The following TBC1D32 variants were observed in gnomAD, a reference collection of about 807,000 sequenced individuals.
TBC1D32 encodes the protein protein broad-minded.
TBC1D32 carries 151 observed loss-of-function variants against 170.3 expected under a neutral mutation model. The observed-to-expected ratio is 0.89, with a 90% CI of 0.78 to 1.01. The LOEUF (loss-of-function observed/expected upper bound fraction) is 1.01, where lower values mean the gene tolerates loss of function less well. Ranked by LOEUF, TBC1D32 falls within the 50% of genes least tolerant of loss-of-function variation. The pLI, the probability that TBC1D32 is intolerant of heterozygous loss-of-function variation, is 0.00. For missense variants in TBC1D32, 1,464 were observed against 1,457.1 expected (o/e 1.00, Z -0.08); for synonymous variants, 498 against 488.0 (o/e 1.02, Z -0.27).
chr6:121,159,974 TA>T, intron 24 of TBC1D32, 35 bp downstream of exon 24: 1 of 1,390,254 alleles, frequency 7.2e-7, no homozygotes, highest in Non-Finnish European at 1.0e-6. Context: ...ACAAAAGCTT[TA>T]AAAATAATAT....
chr6:121,208,296 A>C (rs769293848), intron 21 of TBC1D32, among the ~76,000 whole-genome samples: 2 of 152,150 alleles, frequency 1.3e-5, no homozygotes, highest in Non-Finnish European at 2.9e-5. Flanking sequence ...ATTAACTCAC[A>C]GTTCAACATG....
intron 22 of TBC1D32, among the ~76,000 whole-genome samples, chr6:121,198,734 G>C (rs542741608): frequency 6.6e-6 from 1 of 151,358 alleles, no homozygotes. Flanking sequence ...CTGGGCGACA[G>C]AGCGAGACTC....
At chr6:121,189,152 C>T (rs570930631) in intron 22 of TBC1D32, among the ~76,000 whole-genome samples, 1 of 152,144 alleles carries the variant, frequency 6.6e-6, no homozygotes, top group Admixed American at 6.6e-5. Flanking sequence ...ATCTTGTTTA[C>T]ATTAAAAACC....
At position 121,202,232 on chromosome 6, in the gene TBC1D32, A is replaced by G. The variant is rs191103279; in HGVS notation, c.2570+2843T>C. On this transcript the variant is annotated intron_variant, in intron 22 of 31. Transcript: ENST00000398212. ...ACCTAGGATCCTTGGTCCTGGGTCC[A>G]GGACTAAATCCTGAGTATTCCAACA... 1.3e-4 allele frequency among the ~76,000 whole-genome samples: 19 copies of G among 148,880 alleles called. 1 individual carries two copies. Among genetic ancestry groups the G allele is most frequent in the African/African-American group, 4.8e-4 (19 of 39,774 alleles).
chr6:121,095,212 A>G (rs1777257321), intron 30 of TBC1D32, among the ~76,000 whole-genome samples: 1 of 152,140 alleles, frequency 6.6e-6, no homozygotes, highest in African/African-American at 2.4e-5. Flanking sequence ...CTTGCACAAT[A>G]TGCATTGAAA....
chr6:121,283,957 C>A, intron 12 of TBC1D32, 47 bp from the exon 13 acceptor site: 1 of 1,370,802 alleles, frequency 7.3e-7, no homozygotes, highest in South Asian at 1.2e-5. Context: ...CATATTCTTT[C>A]AACTTAAGAG....
rs920447894 is a variant in TBC1D32, at chr6:121,256,120, A to G, written c.1899T>C (p.Tyr633=). The G allele has an allele frequency of 5.0e-6, 8 of 1,613,742 alleles. No homozygotes were observed. Among genetic ancestry groups the G allele is most frequent in the African/African-American group, 1.3e-5 (1 of 74,932 alleles). The part of the protein sequence containing the change: ...TCEGLQVLIT[Y]NLHESIAKAW... The stretch of plus-strand genomic sequence containing the variant: ...CCTTTGCTATAGATTCATGCAAATT[A>G]TAAGTGATTAACACCTGCAAACCTT... The change falls in exon 16 of 32, where the codon TAT becomes TAC. Residue 633 remains tyrosine (Y), a synonymous_variant. Transcript: ENST00000398212.
chr6:121,160,678 A>C (rs563892907), intron 23 of TBC1D32, among the ~76,000 whole-genome samples: 1 of 152,336 alleles, frequency 6.6e-6, no homozygotes, highest in East Asian at 1.9e-4. Flanking sequence ...TCAAAGGCGC[A>C]TAAGAAAAAT....
At chr6:121,258,099 T>C (rs1476659554) in intron 15 of TBC1D32, among the ~76,000 whole-genome samples, 1 of 152,100 alleles carries the variant, frequency 6.6e-6, no homozygotes, top group Non-Finnish European at 1.5e-5. Flanking sequence ...ATTTAACCTC[T>C]TTAACTTTAT....
intron 21 of TBC1D32, among the ~76,000 whole-genome samples, chr6:121,206,234 G>C (rs779805509): frequency 1.3e-5 from 2 of 150,980 alleles, no homozygotes; most frequent in Non-Finnish European, 3.0e-5. Context: ...AAAAAAAAAG[G>C]AAGGCTTTCT....
chr6:121,151,362 G>A (rs1212815249), intron 24 of TBC1D32, among the ~76,000 whole-genome samples: 1 of 152,204 alleles, frequency 6.6e-6, no homozygotes, highest in African/African-American at 2.4e-5. Flanking sequence ...TGTGGTCTGA[G>A]AGACTGTTTA....
chr6:121,121,700 G>C (rs992724120), intron 26 of TBC1D32, among the ~76,000 whole-genome samples: 1 of 151,956 alleles, frequency 6.6e-6, no homozygotes, highest in Non-Finnish European at 1.5e-5. Flanking sequence ...ATTTTATAAA[G>C]CCTTCCTCCA....
chr6:121,121,292 A>G (rs1780237351), intron 26 of TBC1D32, among the ~76,000 whole-genome samples: 1 of 152,058 alleles, frequency 6.6e-6, no homozygotes, highest in Non-Finnish European at 1.5e-5. Flanking sequence ...TAGAAGGAAC[A>G]ACAGGAGCAA....
intron 4 of TBC1D32, among the ~76,000 whole-genome samples, chr6:121,308,686 C>CTTCT (rs1807709347): frequency 1.8e-5 from 2 of 112,572 alleles, no homozygotes; most frequent in African/African-American, 7.7e-5. Context: ...AAGCTTACTT[C>CTTCT]TTTTTTTTTT....
intron 24 of TBC1D32, among the ~76,000 whole-genome samples, chr6:121,149,158 T>C (rs1213131141): frequency 2.0e-5 from 3 of 152,188 alleles, no homozygotes; most frequent in African/African-American, 7.2e-5. Flanking sequence ...GGTATTATTA[T>C]CCGTTGTCAG....
intron 17 of TBC1D32, among the ~76,000 whole-genome samples, chr6:121,254,540 G>C (rs1200350565): frequency 2.0e-5 from 3 of 151,958 alleles, no homozygotes; most frequent in African/African-American, 7.3e-5. Context: ...AACTATATTA[G>C]AAAATAAATT....
chr6:121,262,303 A>T (rs1489600903), intron 15 of TBC1D32, among the ~76,000 whole-genome samples: 1 of 152,104 alleles, frequency 6.6e-6, no homozygotes, highest in Non-Finnish European at 1.5e-5. Context: ...CCACGAGAAG[A>T]TCAACCACAA....
chr6:121,331,650 GGA>G (rs1405999448), intron 1 of TBC1D32, among the ~76,000 whole-genome samples: 1 of 152,190 alleles, frequency 6.6e-6, no homozygotes, highest in Non-Finnish European at 1.5e-5. Flanking sequence ...ACTTTGGAAA[GGA>G]AGACACACCT....
At chr6:121,270,720 C>T (rs957541501) in intron 15 of TBC1D32, among the ~76,000 whole-genome samples, 2 of 152,092 alleles carry the variant, frequency 1.3e-5, no homozygotes, top group African/African-American at 4.8e-5. Context: ...GAAACTATTC[C>T]AATCAATAGA....
Sources: allele counts gnomAD v4.1 joint callset (sites outside exome capture counted in the v4.1 genomes callset), GRCh38; gene constraint gnomAD v4.1.1; transcripts MANE v1.5; gene names NCBI Gene and HGNC (gene_info 2026-07-23, HGNC 2026-07-21).